Variants in XPNPEP1 observed in about 807,000 individuals in gnomAD.
XPNPEP1 encodes X-prolyl aminopeptidase 1, also known as xaa-Pro aminopeptidase 1.
Under a neutral mutation model 92.4 loss-of-function variants are expected in XPNPEP1, and 39 were observed. The observed-to-expected ratio is 0.42, with a 90% CI of 0.33 to 0.55. XPNPEP1 has a LOEUF of 0.55. Ranked by LOEUF, XPNPEP1 falls within the 20% of genes least tolerant of loss-of-function variation. The pLI is 0.08. For synonymous variants in XPNPEP1, 307 were observed against 299.4 expected (o/e 1.03, Z -0.26); for missense variants, 654 against 856.1 (o/e 0.76, Z 2.95).
rs150008292 is a variant in XPNPEP1, at chr10:109,887,833, C to A, written c.652+216G>T. Among the ~76,000 whole-genome samples, 8 of 152,302 alleles carry A rather than the reference C, an allele frequency of 5.3e-5. No homozygotes were observed. The East Asian group carries it at 1.5e-3, about 29-fold the overall frequency. On this transcript the variant is annotated intron_variant, in intron 7 of 20. Transcript: ENST00000502935. ...CAAAAAGCCACCCAAACGAGCTTTG[C>A]GAAAATAACCAAAGCCAAACTAAGT...
intron 1 of XPNPEP1, 185 bp downstream of exon 1, chr10:109,923,217 G>T: frequency 1.0e-6 from 1 of 985,266 alleles, no homozygotes; most frequent in Non-Finnish European, 1.2e-6. Flanking sequence ...ACCGGATCTC[G>T]CCCGGCCTCA....
intron 3 of XPNPEP1, among the ~76,000 whole-genome samples, chr10:109,902,308 A>G (rs1849327121): frequency 6.6e-6 from 1 of 152,256 alleles, no homozygotes; most frequent in Non-Finnish European, 1.5e-5. Context: ...TCATCCTAAC[A>G]ATAGCCCATG....
intron 17 of XPNPEP1, 199 bp from the exon 18 acceptor site, chr10:109,871,103 A>G: frequency 1.8e-6 from 1 of 557,058 alleles, no homozygotes; most frequent in Non-Finnish European, 3.0e-6. Context: ...AAGCTAGGCG[A>G]TCATCCATTC....
chr10:109,897,173 T>C (rs556106196), intron 3 of XPNPEP1, among the ~76,000 whole-genome samples: 7 of 152,098 alleles, frequency 4.6e-5, no homozygotes, highest in Admixed American at 3.9e-4. Flanking sequence ...AAGCCAGAAA[T>C]ATGGGTTCAT....
chr10:109,907,882 T>C, intron 2 of XPNPEP1, 67 bp from the exon 3 acceptor site: 1 of 1,594,694 alleles, frequency 6.3e-7, no homozygotes. Flanking sequence ...CAGTTCGAAG[T>C]GGGCCACAGA....
intron 4 of XPNPEP1, 26 bp from the exon 5 acceptor site, chr10:109,891,852 A>G: frequency 6.2e-7 from 1 of 1,602,210 alleles, no homozygotes; most frequent in Non-Finnish European, 8.5e-7. Flanking sequence ...AAAAAAAAAG[A>G]AGAAGAAAGG....
chr10:109,920,499 T>G (rs1459129413), intron 1 of XPNPEP1, among the ~76,000 whole-genome samples: 6 of 152,190 alleles, frequency 3.9e-5, no homozygotes, highest in Admixed American at 6.5e-5. Context: ...AAGTAACTGA[T>G]CCCAATGACT....
chr10:109,871,654 C>T, intron 17 of XPNPEP1, 138 bp downstream of exon 17: 1 of 957,636 alleles, frequency 1.0e-6, no homozygotes, highest in Non-Finnish European at 1.6e-6. Flanking sequence ...GAGACTCACC[C>T]CATGAGCACC....
chr10:109,916,956 G>C (rs753175051), intron 1 of XPNPEP1, among the ~76,000 whole-genome samples: 4 of 152,078 alleles, frequency 2.6e-5, no homozygotes, highest in Non-Finnish European at 5.9e-5. Flanking sequence ...CAGCAAACTA[G>C]AAGAAAAATT....
chr10:109,897,338 C>A (rs1385753966), intron 3 of XPNPEP1, among the ~76,000 whole-genome samples: 1 of 152,070 alleles, frequency 6.6e-6, no homozygotes, highest in East Asian at 1.9e-4. Context: ...AGCTTCCTGA[C>A]CCACTTCAGC....
chr10:109,879,181 G>A (rs1847949542), intron 12 of XPNPEP1, among the ~76,000 whole-genome samples: 1 of 152,024 alleles, frequency 6.6e-6, no homozygotes. Context: ...GACGGAGCTT[G>A]CAGTGAGCCG....
Position 109,868,660 on chromosome 10 carries a change from G to A in XPNPEP1, c.1826C>T (p.Pro609Leu), listed in dbSNP as rs1847276555. The A allele has an allele frequency of 6.2e-7, 1 of 1,613,562 alleles. No individual in the cohort carries two copies. Among genetic ancestry groups the A allele is most frequent in the Non-Finnish European group, 8.5e-7 (1 of 1,179,926 alleles). Residue 609 changes from proline to leucine, a missense_variant, in exon 20 of 21, where the codon CCA becomes CTA. Transcript: ENST00000502935. ...CACATCTATCATTTTGGTCTGAATT[G>A]GAACCAATGTTAGAGGTTCAAAGGT... ...SLTFEPLTLV[P>L]IQTKMIDVDS...
At chr10:109,873,103 A>G (rs886328165) in intron 16 of XPNPEP1, among the ~76,000 whole-genome samples, 2 of 152,230 alleles carry the variant, frequency 1.3e-5, no homozygotes, top group African/African-American at 2.4e-5. Flanking sequence ...TTCCTGACTC[A>G]AGAGAAGGCC....
chr10:109,891,637 A>T, intron 5 of XPNPEP1, 85 bp downstream of exon 5: 1 of 1,138,916 alleles, frequency 8.8e-7, no homozygotes, highest in Non-Finnish European at 1.2e-6. Context: ...GCATAAAAGG[A>T]TTAAGATCCA....
chr10:109,900,760 A>G (rs1849244208), intron 3 of XPNPEP1, among the ~76,000 whole-genome samples: 1 of 152,104 alleles, frequency 6.6e-6, no homozygotes, highest in African/African-American at 2.4e-5. Context: ...ATGTCACTCT[A>G]AAATCCTGAT....
chr10:109,897,729 C>T (rs925915035), intron 3 of XPNPEP1, among the ~76,000 whole-genome samples: 2 of 151,540 alleles, frequency 1.3e-5, no homozygotes, highest in African/African-American at 4.9e-5. Flanking sequence ...TCTAGGCTCA[C>T]TACAACCTCC....
chr10:109,874,746 G>C (rs1412101895), intron 15 of XPNPEP1, among the ~76,000 whole-genome samples: 1 of 152,156 alleles, frequency 6.6e-6, no homozygotes, highest in Non-Finnish European at 1.5e-5. Flanking sequence ...TCAGGAGATC[G>C]AGACCATCCT....
chr10:109,874,777 G>A (rs1387779510), intron 15 of XPNPEP1, among the ~76,000 whole-genome samples: 1 of 152,114 alleles, frequency 6.6e-6, no homozygotes, highest in East Asian at 1.9e-4. Context: ...GTGAAACCCC[G>A]TCTCCACTAA....
At chr10:109,870,936 T>A in intron 17 of XPNPEP1, 32 bp from the exon 18 acceptor site, 2 of 1,607,892 alleles carry the variant, frequency 1.2e-6, no homozygotes, top group Non-Finnish European at 1.7e-6. Flanking sequence ...TTAATTGTAT[T>A]TGTACAGCGC....
Sources: gnomAD v4.1 joint callset for allele counts (sites outside exome capture counted in the v4.1 genomes callset) on GRCh38, gnomAD v4.1.1 for gene constraint, MANE v1.5 for transcripts, NCBI Gene and HGNC (gene_info 2026-07-23, HGNC 2026-07-21) for gene names.